PRR12: variants seen among roughly 807,000 people sequenced by gnomAD.
The protein encoded by PRR12 is proline-rich protein 12.
A neutral mutation model predicts 138.0 loss-of-function variants in PRR12; 12 were observed. The ratio of observed to expected loss-of-function variants is 0.09; its 90% CI spans 0.06 to 0.14. The LOEUF is 0.14. Ranked by LOEUF, PRR12 falls within the 10% of genes least tolerant of loss-of-function variation. The pLI is 1.00. For missense variants in PRR12, 2,692 were observed against 2,861.3 expected, an observed-to-expected ratio of 0.94 and a Z score of 1.35; for synonymous variants, 1,567 against 1,291.7, an observed-to-expected ratio of 1.21 and a Z score of -4.57.
At position 49,624,925 on chromosome 19, in the gene PRR12, C is replaced by T; in HGVS notation, c.5803C>T (p.Pro1935Ser). 3 of 1,602,746 alleles carry T rather than the reference C, an allele frequency of 1.9e-6. No individual in the cohort carries two copies. The highest frequency in any genetic ancestry group is 2.6e-6 in the Non-Finnish European group (3 of 1,174,270). The change falls in exon 12 of 14, where the codon CCT (proline) becomes TCT (serine). Residue 1935 changes from proline to serine, a missense_variant. Pro to Ser is a moderately conservative substitution (Grantham distance 74). Around this residue, in one of 11 missense-constraint regions of PRR12, gnomAD observed 116 missense variants for 243.4 expected, o/e 0.48. Transcript: ENST00000418929. ...GGAAGAGGGGGCTGTGCGGCTGCGG[C>T]CTGCTGGGGAACCCTACAACCGCAA... ...SPEEGAVRLR[P>S]AGEPYNRKTL...
rs1314851348 is a variant in PRR12 at position 49,596,214 on chromosome 19, G to A, written c.1879G>A (p.Gly627Ser). ...GKGDGSELLA[G>S]PGGPPAERTE... The stretch of plus-strand genomic sequence containing the variant: ...GGGGGATGGCTCGGAGCTGCTGGCG[G>A]GCCCAGGTGGGCCTCCTGCGGAGCG... Residue 627 changes from glycine (G) to serine (S), a missense_variant, in exon 4 of 14, where the codon GGC becomes AGC. Around this residue, in one of 11 missense-constraint regions of PRR12, gnomAD observed 840 missense variants for 689.8 expected, o/e 1.22. Transcript: ENST00000418929. This position sits in a 1 kb window ranked among gnomAD's most constrained non-coding sequence, Gnocchi z 5.6. 1 of 1,610,732 alleles carries A rather than the reference G, an allele frequency of 6.2e-7. No homozygotes were observed. The highest frequency in any genetic ancestry group is 1.1e-5 in the South Asian group (1 of 91,068).
intron 11 of PRR12, 68 bp from the exon 12 acceptor site, chr19:49,624,776 A>T: frequency 6.4e-7 from 1 of 1,568,676 alleles, no homozygotes; most frequent in Non-Finnish European, 8.6e-7. Context: ...CAGATCTGAG[A>T]CCTGGCTGTT....
At position 49,595,751 on chromosome 19, in the gene PRR12, C is replaced by T. The variant is rs2080763254; in HGVS notation, c.1416C>T (p.Ala472=). The T allele has an allele frequency of 1.2e-6, 2 of 1,600,436 alleles. No homozygotes were observed. Among genetic ancestry groups the T allele is most frequent in the East Asian group, 2.2e-5 (1 of 44,708 alleles). ...GGGQAQDLSK[A]PSYSGGPPQP... is the part of the protein sequence containing the mutation. ...GGCAGGCACAGGACTTGAGCAAAGC[C>T]CCCAGCTACTCAGGGGGCCCCCCAC... Residue 472 remains alanine, a synonymous_variant, in exon 4 of 14, where the codon GCC becomes GCT. Transcript: ENST00000418929.
rs1185260710 is a variant in PRR12 at position 49,614,518 on chromosome 19, A to G, written c.4774-15A>G. The G allele has an allele frequency of 1.3e-6, 2 of 1,527,378 alleles. No homozygotes were observed. Among genetic ancestry groups the G allele is most frequent in the African/African-American group, 2.8e-5 (2 of 72,434 alleles). The allele number at this position is 1,527,378 out of a possible 1,614,324, so 94.6% of individuals were successfully genotyped here. On this transcript the variant is annotated splice_polypyrimidine_tract_variant and intron_variant, in intron 6 of 13. Transcript: ENST00000418929. This position sits in a 1 kb window ranked among gnomAD's most constrained non-coding sequence, Gnocchi z 5.0. ...GGGCTGACCCTGCTGGCCTCACCACACCCCTCCTCCTCAGCTGGCGTTGCA... is the reference window on the plus strand; with the variant it reads ...GGGCTGACCCTGCTGGCCTCACCACGCCCCTCCTCCTCAGCTGGCGTTGCA...
In PRR12 at chr19:49,595,666, C is replaced by T; in HGVS notation, c.1331C>T (p.Ser444Phe). The T allele has an allele frequency of 6.3e-7, 1 of 1,599,290 alleles. No individual in the cohort carries two copies. The highest frequency in any genetic ancestry group is 8.5e-7 in the Non-Finnish European group (1 of 1,173,704). ...GAGGAGGQAY[S>F]PGQPQGLLGP... is the part of the protein sequence containing the mutation. The stretch of plus-strand genomic sequence containing the variant: ...GGAGGGGCAGGGGGCCAGGCTTATT[C>T]CCCCGGTCAGCCTCAAGGGCTTCTG... The change falls in exon 4 of 14, where the codon TCC becomes TTC. Residue 444 changes from serine to phenylalanine, a missense_variant. This residue lies in a region of PRR12 where 523 missense variants were observed against 496.4 expected (regional missense o/e 1.05). Transcript: ENST00000418929.
intron 6 of PRR12, among the ~76,000 whole-genome samples, chr19:49,605,322 G>T (rs1485043658): frequency 6.6e-6 from 1 of 151,790 alleles, no homozygotes; most frequent in Non-Finnish European, 1.5e-5. Context: ...GAGTACAATG[G>T]TGCGATCTCG....
chr19:49,598,846 A>G (rs958237323), intron 4 of PRR12, among the ~76,000 whole-genome samples: 1 of 152,118 alleles, frequency 6.6e-6, no homozygotes, highest in African/African-American at 2.4e-5. Context: ...GGGTTTAGGG[A>G]GAGAGGCAGG....
intron 9 of PRR12, among the ~76,000 whole-genome samples, chr19:49,619,435 A>T (rs976918217): frequency 2.1e-5 from 3 of 144,742 alleles, no homozygotes; most frequent in African/African-American, 5.2e-5. Flanking sequence ...GGGTTTCTCC[A>T]TGTTGGTCAG....
rs1220137953 is a variant in PRR12, at chr19:49,614,690, G to A, written c.4890+41G>A. On this transcript the variant is annotated intron_variant, in intron 7 of 13. Transcript: ENST00000418929. This position sits in a 1 kb window ranked among gnomAD's most constrained non-coding sequence, Gnocchi z 5.0. The stretch of plus-strand genomic sequence containing the variant: ...GGACCAAGGACTTGGGGGCCCCGGG[G>A]CGTGGTATCTAGGAGCTGGGGTTCC... 1 of 1,523,930 alleles carries A rather than the reference G, an allele frequency of 6.6e-7. No individual in the cohort carries two copies. The highest frequency in any genetic ancestry group is 1.4e-5 in the African/African-American group (1 of 72,410). 94.4% of individuals were successfully genotyped at this position (1,523,930 alleles called of 1,614,324 possible).
rs867713767 is a variant in PRR12, at chr19:49,601,752, A to C, written c.4607A>C (p.Glu1536Ala). The change falls in exon 6 of 14, where the codon GAA (glutamate) becomes GCA (alanine). Residue 1536 changes from glutamate (E) to alanine (A), a missense_variant. By Grantham distance (107) the Glu-to-Ala change is moderately radical. Around this residue, in one of 11 missense-constraint regions of PRR12, gnomAD observed 231 missense variants for 200.8 expected, o/e 1.15. Coordinates refer to ENST00000418929, the MANE Select transcript of PRR12 (RefSeq NM_020719.3). ...PPEEPAAPSP[E>A]DPELPDTRPL... Reference sequence around the variant, plus strand: ...GAGGAGCCCGCCGCCCCGTCTCCCGAAGACCCCGAGCTGCCGGACACCCGG... The same window carrying C: ...GAGGAGCCCGCCGCCCCGTCTCCCGCAGACCCCGAGCTGCCGGACACCCGG... 6.4e-7 allele frequency: 1 copy of C among 1,573,264 alleles called. No individual in the cohort carries two copies. The highest frequency in any genetic ancestry group is 8.6e-7 in the Non-Finnish European group (1 of 1,162,234).
At position 49,597,275 on chromosome 19, in the gene PRR12, AC is replaced by A. The variant is rs758401922; in HGVS notation, c.2946del (p.Gly983AlafsTer47). The A allele has an allele frequency of 1.1e-5, 17 of 1,564,542 alleles. No individual in the cohort carries two copies. The highest frequency in any genetic ancestry group is 5.6e-5 in the Admixed American group (3 of 53,860). ...GGGACCCCAAGGCTGGCGCTGGGCC[AC>A]CCCCCGGCCCCCCTGCTTATGATCC... ...EGDPKAGAGP[P>X]PGPPAYDPYG... is the part of the protein sequence containing the mutation. On this transcript the variant is annotated frameshift_variant, in exon 4 of 14. Coordinates refer to ENST00000418929, the MANE Select transcript of PRR12 (RefSeq NM_020719.3). LOFTEE classifies it high-confidence loss of function. This position sits in a 1 kb window ranked among gnomAD's most constrained non-coding sequence, Gnocchi z 6.3.
chr19:49,591,290 C>G lies in PRR12; in HGVS notation c.-365C>G, dbSNP rs898292085. 6.6e-6 allele frequency among the ~76,000 whole-genome samples: 1 copy of G among 150,884 alleles called. No homozygotes were observed. The highest frequency in any genetic ancestry group is 2.4e-5 in the African/African-American group (1 of 41,036). On this transcript the variant is annotated 5_prime_UTR_variant, in exon 1 of 14. Transcript: ENST00000418929. ...GCGAGCACCCAGCGCCTGCACCCAC[C>G]CCGGGGCCGCCCGGGACGCCCCCTC...
chr19:49,606,516 C>T lies in PRR12; in HGVS notation c.4773+4598C>T, dbSNP rs958956845. ...TAGGAGTTTCACTGTGTTGGTCAGG[C>T]TGGTCTCGAACTCCTGACCTCGTGA... On this transcript the variant is annotated intron_variant, in intron 6 of 13. Transcript: ENST00000418929. Among the ~76,000 whole-genome samples, 10 of 151,288 alleles carry T rather than the reference C, an allele frequency of 6.6e-5. 1 individual carries two copies. The highest frequency in any genetic ancestry group is 6.6e-4 in the Admixed American group (10 of 15,132).
chr19:49,601,170 G>A (rs1408747111), intron 5 of PRR12, among the ~76,000 whole-genome samples: 3 of 152,132 alleles, frequency 2.0e-5, no homozygotes, highest in Non-Finnish European at 2.9e-5. Context: ...AGGAGGTGAG[G>A]AAGTAGAGTT....
rs1414547452 is a variant in PRR12, at chr19:49,595,692, G to A, written c.1357G>A (p.Gly453Arg). 6.3e-7 allele frequency: 1 copy of A among 1,593,868 alleles called. No individual in the cohort carries two copies. The highest frequency in any genetic ancestry group is 1.1e-5 in the South Asian group (1 of 88,582). Residue 453 changes from glycine to arginine, a missense_variant, in exon 4 of 14, where the codon GGA (glycine) becomes AGA (arginine). Physicochemically the swap from Gly to Arg is moderately radical, Grantham distance 125. This residue lies in a region of PRR12 where 523 missense variants were observed against 496.4 expected (regional missense o/e 1.05). Transcript: ENST00000418929. ...YSPGQPQGLLGPQAYGQGFGG... is the reference protein window; with the variant it reads ...YSPGQPQGLLRPQAYGQGFGG... ...CCCCGGTCAGCCTCAAGGGCTTCTG[G>A]GACCCCAGGCCTACGGGCAAGGGTT...
In PRR12 at chr19:49,615,096, T is replaced by TG. The variant is rs1416036083; in HGVS notation, c.5024+93dup. ...GCATGCAAGAGAGAAGGCTGGAGAGTGGGGGGTGGGGACAGAGAGAGGAGA... is the reference window on the plus strand; with the variant it reads ...GCATGCAAGAGAGAAGGCTGGAGAGTGGGGGGGTGGGGACAGAGAGAGGAGA... On this transcript the variant is annotated intron_variant, in intron 8 of 13. Transcript: ENST00000418929. 5.2e-6 allele frequency: 8 copies of TG among 1,525,136 alleles called. No individual in the cohort carries two copies. In the Admixed American group the frequency reaches 8.9e-5, roughly 17 times the overall value. The allele number at this position is 1,525,136 out of a possible 1,614,324, so 94.5% of individuals were successfully genotyped here. A position where few individuals can be genotyped will look rare whatever the true frequency, so the allele number is the denominator to read the frequency against.
At chr19:49,612,029 G>A (rs1410549316) in intron 6 of PRR12, among the ~76,000 whole-genome samples, 1 of 150,364 alleles carries the variant, frequency 6.7e-6, no homozygotes, top group Non-Finnish European at 1.5e-5. Flanking sequence ...TCAAGAGATC[G>A]AGACCATCCT....
chr19:49,604,206 G>A (rs1316784891), intron 6 of PRR12, among the ~76,000 whole-genome samples: 1 of 151,966 alleles, frequency 6.6e-6, no homozygotes, highest in African/African-American at 2.4e-5. Context: ...TGTGGGAAAA[G>A]TAAATAATAG....
chr19:49,606,279 C>T (rs2080837418), intron 6 of PRR12, among the ~76,000 whole-genome samples: 1 of 151,810 alleles, frequency 6.6e-6, no homozygotes, highest in African/African-American at 2.4e-5. Context: ...GCTGAGATTG[C>T]CGGTGTGAGC....
Sources: gnomAD v4.1 joint callset for allele counts (sites outside exome capture counted in the v4.1 genomes callset) on GRCh38, gnomAD v4.1.1 for gene constraint, gnomAD v4.1.1 regional missense constraint, Gnocchi (gnomAD v3.1) non-coding constraint, MANE v1.5 for transcripts, NCBI Gene and HGNC (gene_info 2026-07-23, HGNC 2026-07-21) for gene names.